DMD: variants seen among roughly 807,000 people sequenced by gnomAD.
DMD encodes the protein mutant dystrophin.
In DMD, 63 loss-of-function variants were observed where a neutral mutation model predicts 330.1. The observed-to-expected ratio is 0.19, with a 90% CI of 0.16 to 0.24. The LOEUF (loss-of-function observed/expected upper bound fraction) is 0.24. Among genes scored for constraint, DMD ranks in the 10% least tolerant of loss-of-function variants. The probability of loss-of-function intolerance (pLI) is 1.00; values close to 1 mark genes in which losing one functional copy is unlikely to be tolerated. For missense variants in DMD, 3,344 were observed against 2,684.1 expected (o/e 1.25, Z -5.43); for synonymous variants, 1,223 against 959.8 (o/e 1.27, Z -5.07).
intron 13 of DMD, among the ~76,000 whole-genome samples, chrX:32,579,689 A>G (rs1246608917): frequency 8.8e-6 from 1 of 113,016 alleles, no homozygotes; most frequent in Non-Finnish European, 1.9e-5. Flanking sequence ...TGATTCAAAA[A>G]CATTTGACAC....
intron 44 of DMD, among the ~76,000 whole-genome samples, chrX:32,170,567 C>T (rs2147345247): frequency 9.2e-6 from 1 of 109,265 alleles, no homozygotes; most frequent in Non-Finnish European, 1.9e-5. Context: ...GCCACAGTTG[C>T]TAATCTCTGA....
chrX:33,260,456 T>C (rs1292203882), intron 1 of DMD, among the ~76,000 whole-genome samples: 2 of 111,344 alleles, frequency 1.8e-5, no homozygotes, highest in East Asian at 5.6e-4. Flanking sequence ...CTTCAAGTGA[T>C]GTGTTCTCAA....
chrX:31,560,477 G>A (rs1265962281), intron 55 of DMD, among the ~76,000 whole-genome samples: 1 of 111,903 alleles, frequency 8.9e-6, no homozygotes, highest in Non-Finnish European at 1.9e-5. Flanking sequence ...TCTTCACAAA[G>A]CTGAATGGGC....
intron 9 of DMD, among the ~76,000 whole-genome samples, chrX:32,666,297 G>A (rs1243018597): frequency 3.6e-5 from 4 of 110,330 alleles, no homozygotes; most frequent in Non-Finnish European, 5.7e-5. Flanking sequence ...CCATCAACCC[G>A]TCATCCAGGT....
intron 45 of DMD, among the ~76,000 whole-genome samples, chrX:31,940,868 AT>A (rs998546843): frequency 1.8e-5 from 2 of 111,580 alleles, no homozygotes; most frequent in African/African-American, 6.5e-5. Flanking sequence ...AAGTTCAGAA[AT>A]GGAGTGAGGA....
At chrX:31,312,502 G>A (rs2055603321) in intron 62 of DMD, among the ~76,000 whole-genome samples, 1 of 112,586 alleles carries the variant, frequency 8.9e-6, no homozygotes, top group African/African-American at 3.2e-5. Flanking sequence ...CTTTTGAACT[G>A]TTGATGGGAA....
chrX:32,362,521 C>T (rs777711553), intron 37 of DMD, among the ~76,000 whole-genome samples: 11 of 111,222 alleles, frequency 9.9e-5, no homozygotes, highest in Middle Eastern at 4.6e-3. Flanking sequence ...ATGTAAACTG[C>T]AGCATAGAAT....
intron 50 of DMD, among the ~76,000 whole-genome samples, chrX:31,777,804 C>T (rs987976185): frequency 8.9e-6 from 1 of 112,096 alleles, no homozygotes; most frequent in African/African-American, 3.2e-5. Flanking sequence ...ATTGTTCTGA[C>T]TGTAAGTACA....
chrX:32,089,201 T>A (rs2096459943), intron 44 of DMD, among the ~76,000 whole-genome samples: 1 of 111,076 alleles, frequency 9.0e-6, no homozygotes, highest in South Asian at 3.8e-4. Context: ...GTGCTGTCCT[T>A]ACCCCCATCT....
At position 33,106,054 on chromosome X, in the gene DMD, C is replaced by CCACACACACACA. The variant is rs1557263796; in HGVS notation, c.32-85866_32-85855dup. Among the ~76,000 whole-genome samples, 143 of 89,440 alleles carry CCACACACACACA rather than the reference C, an allele frequency of 1.6e-3. 1 individual carries two copies. Among genetic ancestry groups the CCACACACACACA allele is most frequent in the African/African-American group, 7.5e-3 (137 of 18,311 alleles). The allele number at this position is 89,440 out of a possible 115,157, so 77.7% of individuals were successfully genotyped here. A position where few individuals can be genotyped will look rare whatever the true frequency, so the allele number is the denominator to read the frequency against. ...ATAAAGAAAATGTGAGATACACACA[C>CCACACACACACA]CACACACACACACACACACACACAC... is the stretch of plus-strand genomic sequence containing the variant. On this transcript the variant is annotated intron_variant, in intron 1 of 78. Coordinates refer to ENST00000357033, the MANE Select transcript of DMD (RefSeq NM_004006.3).
chrX:31,164,237 A>G (rs2039174338), intron 74 of DMD, among the ~76,000 whole-genome samples: 1 of 111,290 alleles, frequency 9.0e-6, no homozygotes. Context: ...TGAGCTGGCG[A>G]CTCACAGTCC....
chrX:32,851,512 C>G (rs2081133539), intron 2 of DMD, among the ~76,000 whole-genome samples: 1 of 112,404 alleles, frequency 8.9e-6, no homozygotes, highest in African/African-American at 3.2e-5. Flanking sequence ...TTCCAGCAAT[C>G]ATCTTTCCCG....
chrX:32,692,300 G>C (rs187167941), intron 9 of DMD, among the ~76,000 whole-genome samples: 58 of 112,037 alleles, frequency 5.2e-4, no homozygotes, highest in African/African-American at 1.7e-3. Flanking sequence ...CCAATTTATA[G>C]AGTTGAGCTA....
chrX:31,762,085 T>C (rs1205816551), intron 51 of DMD, among the ~76,000 whole-genome samples: 4 of 112,536 alleles, frequency 3.6e-5, no homozygotes, highest in African/African-American at 9.7e-5. Flanking sequence ...AATGGTCACG[T>C]GACACATTTC....
At chrX:32,706,680 C>G (rs1186874601) in intron 7 of DMD, among the ~76,000 whole-genome samples, 1 of 112,263 alleles carries the variant, frequency 8.9e-6, no homozygotes, top group Non-Finnish European at 1.9e-5. Context: ...AAGACTGATA[C>G]ACTGAAAACT....
At chrX:32,437,134 G>A (rs1159734029) in intron 29 of DMD, among the ~76,000 whole-genome samples, 1 of 111,688 alleles carries the variant, frequency 9.0e-6, no homozygotes, top group African/African-American at 3.3e-5. Context: ...TTGCCACATA[G>A]CAATATCTAT....
intron 44 of DMD, among the ~76,000 whole-genome samples, chrX:32,081,730 T>C (rs2096393040): frequency 1.8e-5 from 2 of 110,800 alleles, no homozygotes; most frequent in Non-Finnish European, 3.8e-5. Flanking sequence ...AGTACTTGCC[T>C]GTAATCCCAG....
At chrX:32,104,630 T>A (rs979470201) in intron 44 of DMD, among the ~76,000 whole-genome samples, 1 of 112,177 alleles carries the variant, frequency 8.9e-6, no homozygotes, top group African/African-American at 3.2e-5. Context: ...AAGAAAATAA[T>A]TCATAACACA....
At chrX:31,124,963 G>A (rs776567126) in intron 78 of DMD, among the ~76,000 whole-genome samples, 1 of 111,278 alleles carries the variant, frequency 9.0e-6, no homozygotes, top group Non-Finnish European at 1.9e-5. Flanking sequence ...TCTGCTTTAC[G>A]TACATTTGGG....
Sources: allele counts gnomAD v4.1 joint callset (sites outside exome capture counted in the v4.1 genomes callset), GRCh38; gene constraint gnomAD v4.1.1; transcripts MANE v1.5; gene names NCBI Gene and HGNC (gene_info 2026-07-23, HGNC 2026-07-21).